Variants in SEZ6L observed in about 807,000 individuals in gnomAD.
The protein encoded by SEZ6L is seizure related 6 homolog like, also known as seizure 6-like protein.
A neutral mutation model predicts 106.2 loss-of-function variants in SEZ6L; 37 were observed. The ratio of observed to expected loss-of-function variants is 0.35; its 90% CI spans 0.27 to 0.46. The LOEUF (loss-of-function observed/expected upper bound fraction) is 0.46, where lower values mean the gene tolerates loss of function less well. Among genes scored for constraint, SEZ6L ranks in the 20% least tolerant of loss-of-function variants. SEZ6L has a pLI of 1.00. For missense variants in SEZ6L, 1,172 were observed against 1,332.8 expected (o/e 0.88, Z 1.88); for synonymous variants, 541 against 570.4 (o/e 0.95, Z 0.73).
intron 1 of SEZ6L, among the ~76,000 whole-genome samples, chr22:26,250,885 A>G (rs1458023389): frequency 6.6e-6 from 1 of 152,144 alleles, no homozygotes; most frequent in Non-Finnish European, 1.5e-5. Context: ...CCTTAGCTAA[A>G]CTTATTCCTA....
At chr22:26,334,382 G>A (rs1384105376) in intron 9 of SEZ6L, among the ~76,000 whole-genome samples, 1 of 152,152 alleles carries the variant, frequency 6.6e-6, no homozygotes, top group Non-Finnish European at 1.5e-5. Context: ...GATTCAACAG[G>A]TGGCTTTTCG....
intron 1 of SEZ6L, among the ~76,000 whole-genome samples, chr22:26,214,550 T>A (rs907191806): frequency 2.0e-5 from 3 of 152,164 alleles, no homozygotes; most frequent in Non-Finnish European, 4.4e-5. Flanking sequence ...AGCAGGAATA[T>A]CATGTGGAGT....
At chr22:26,333,579 C>T (rs1302204838) in intron 9 of SEZ6L, among the ~76,000 whole-genome samples, 1 of 152,192 alleles carries the variant, frequency 6.6e-6, no homozygotes, top group East Asian at 1.9e-4. Flanking sequence ...AGCCCGAAAC[C>T]TGGCCCTATG....
intron 1 of SEZ6L, among the ~76,000 whole-genome samples, chr22:26,197,240 G>A (rs1387638392): frequency 6.6e-6 from 1 of 151,552 alleles, no homozygotes; most frequent in African/African-American, 2.4e-5. Context: ...TTACTATCTT[G>A]TTCCCTATTG....
At chr22:26,350,806 A>G (rs553904113) in intron 11 of SEZ6L, among the ~76,000 whole-genome samples, 39 of 151,912 alleles carry the variant, frequency 2.6e-4, no homozygotes, top group East Asian at 5.8e-4. Flanking sequence ...ACAGGCGCCC[A>G]CCACCAGGCC....
chr22:26,361,907 G>A (rs761522802), intron 12 of SEZ6L, among the ~76,000 whole-genome samples: 4 of 152,080 alleles, frequency 2.6e-5, no homozygotes, highest in Non-Finnish European at 5.9e-5. Flanking sequence ...GCTCAGCTGG[G>A]TTGAGGACCA....
chr22:26,243,474 A>G (rs1283017127), intron 1 of SEZ6L, among the ~76,000 whole-genome samples: 1 of 152,248 alleles, frequency 6.6e-6, no homozygotes, highest in African/African-American at 2.4e-5. Flanking sequence ...GAGCATGTGC[A>G]AAGGCCCTGA....
chr22:26,191,888 T>C (rs945669574), intron 1 of SEZ6L, among the ~76,000 whole-genome samples: 2 of 152,172 alleles, frequency 1.3e-5, no homozygotes, highest in African/African-American at 4.8e-5. Context: ...CAAGTGATTG[T>C]GACTAAATTT....
chr22:26,329,715 C>T (rs1229575278), intron 9 of SEZ6L, among the ~76,000 whole-genome samples: 1 of 152,186 alleles, frequency 6.6e-6, no homozygotes, highest in African/African-American at 2.4e-5. Flanking sequence ...GCACAGAGGC[C>T]TTAGGACCTG....
chr22:26,341,525 A>T (rs547857059), intron 10 of SEZ6L, among the ~76,000 whole-genome samples: 49 of 152,296 alleles, frequency 3.2e-4, no homozygotes, highest in African/African-American at 1.2e-3. Context: ...GGATTTAAAC[A>T]GTACCAATAT....
intron 1 of SEZ6L, among the ~76,000 whole-genome samples, chr22:26,195,080 A>T (rs927645759): frequency 6.6e-6 from 1 of 151,982 alleles, no homozygotes; most frequent in African/African-American, 2.4e-5. Context: ...CAGTGTGGGG[A>T]GTTATTTTGG....
chr22:26,335,293 T>C (rs1374919825), intron 9 of SEZ6L, among the ~76,000 whole-genome samples: 1 of 152,196 alleles, frequency 6.6e-6, no homozygotes, highest in Non-Finnish European at 1.5e-5. Flanking sequence ...TCCTATATTA[T>C]TTTTTTCCTC....
intron 1 of SEZ6L, among the ~76,000 whole-genome samples, chr22:26,184,889 G>A (rs1314362354): frequency 6.6e-6 from 1 of 152,174 alleles, no homozygotes; most frequent in Non-Finnish European, 1.5e-5. Flanking sequence ...TTCGAGACCA[G>A]CCTGGACAAC....
intron 1 of SEZ6L, among the ~76,000 whole-genome samples, chr22:26,234,101 G>A (rs2078884142): frequency 6.6e-6 from 1 of 152,354 alleles, no homozygotes; most frequent in East Asian, 1.9e-4. Context: ...CATGGGGGAC[G>A]TGAATCAGCC....
intron 5 of SEZ6L, among the ~76,000 whole-genome samples, 178 bp from the exon 6 acceptor site, chr22:26,305,801 C>T (rs755548443): frequency 3.9e-5 from 6 of 152,160 alleles, no homozygotes; most frequent in African/African-American, 1.4e-4. Flanking sequence ...TCTCCCTGCC[C>T]GGTTTCCTCC....
intron 12 of SEZ6L, among the ~76,000 whole-genome samples, chr22:26,356,282 T>C (rs2083432804): frequency 6.6e-6 from 1 of 152,202 alleles, no homozygotes; most frequent in South Asian, 2.1e-4. Context: ...CTTCACAGCA[T>C]AGTAGCCATT....
chr22:26,332,471 G>A (rs887765303), intron 9 of SEZ6L, among the ~76,000 whole-genome samples: 2 of 145,982 alleles, frequency 1.4e-5, no homozygotes, highest in Admixed American at 7.0e-5. Context: ...TTTTTAGACA[G>A]CATCTCACTG....
intron 1 of SEZ6L, among the ~76,000 whole-genome samples, chr22:26,234,021 T>A (rs1368841399): frequency 6.6e-6 from 1 of 152,144 alleles, no homozygotes; most frequent in Non-Finnish European, 1.5e-5. Context: ...CCAGGAGTAG[T>A]CAGTTCACAT....
chr22:26,335,716 T>C (rs1331142674), intron 9 of SEZ6L, among the ~76,000 whole-genome samples: 3 of 152,224 alleles, frequency 2.0e-5, no homozygotes, highest in African/African-American at 7.2e-5. Context: ...TCATCAGTGA[T>C]GGGATGCTCA....
Sources: gnomAD v4.1 joint callset for allele counts (sites outside exome capture counted in the v4.1 genomes callset) on GRCh38, gnomAD v4.1.1 for gene constraint, MANE v1.5 for transcripts, NCBI Gene and HGNC (gene_info 2026-07-23, HGNC 2026-07-21) for gene names.